The following IBTK variants were observed in gnomAD, a reference collection of about 807,000 sequenced individuals.
IBTK encodes inhibitor of Bruton tyrosine kinase.
IBTK carries 83 observed loss-of-function variants against 154.9 expected under a neutral mutation model. The observed-to-expected ratio is 0.54, with a 90% CI of 0.45 to 0.64. IBTK has a LOEUF of 0.64. Among genes scored for constraint, IBTK ranks in the 30% least tolerant of loss-of-function variants. IBTK has a pLI of 0.00. For synonymous variants in IBTK, 515 were observed against 536.1 expected (o/e 0.96, Z 0.54); for missense variants, 1,332 against 1,584.6 (o/e 0.84, Z 2.71).
At chr6:82,173,028 G>T in intron 27 of IBTK, 1 of 92,274 alleles carries the variant, frequency 1.1e-5, no homozygotes, top group Non-Finnish European at 2.6e-5. Context: ...TTGAGACAGA[G>T]TCTCACTGTG....
Position 82,182,049 on chromosome 6 carries a change from C to A in IBTK, c.3576-21G>T, listed in dbSNP as rs116668372. The A allele has an allele frequency of 1.4e-3, 2,288 of 1,579,890 alleles. 25 individuals carry two copies. In the African/African-American group the frequency reaches 0.028, roughly 19 times the overall value. On this transcript the variant is annotated intron_variant, in intron 25 of 28. Coordinates refer to ENST00000306270, the MANE Select transcript of IBTK (RefSeq NM_015525.4). ...ATGCCCTGCAAAAGAAAGCAAAGAT[C>A]ATGTTAAAACATCCATTTTGTAAAA... is the stretch of plus-strand genomic sequence containing the variant.
intron 4 of IBTK, among the ~76,000 whole-genome samples, chr6:82,228,624 CTT>C (rs753768771): frequency 1.4e-5 from 2 of 143,040 alleles, no homozygotes; most frequent in Non-Finnish European, 1.5e-5. Context: ...AAACCCCAGA[CTT>C]TTTTTTTTTT....
intron 26 of IBTK, among the ~76,000 whole-genome samples, chr6:82,179,328 TTA>T (rs1768229219): frequency 1.3e-5 from 2 of 152,192 alleles, no homozygotes; most frequent in Admixed American, 1.3e-4. Flanking sequence ...GATTTTGGTT[TTA>T]TGAGATGGGT....
chr6:82,185,043 C>A (rs971762409), intron 25 of IBTK, among the ~76,000 whole-genome samples: 1 of 151,670 alleles, frequency 6.6e-6, no homozygotes, highest in African/African-American at 2.4e-5. Flanking sequence ...ATTAGCCAGG[C>A]ATAGTGGTGT....
At chr6:82,178,597 A>G (rs1360829012) in intron 26 of IBTK, among the ~76,000 whole-genome samples, 1 of 152,228 alleles carries the variant, frequency 6.6e-6, no homozygotes, top group Non-Finnish European at 1.5e-5. Flanking sequence ...TAGTAAAATG[A>G]TGAGCAAAGA....
At chr6:82,216,478 C>T (rs907588855) in intron 10 of IBTK, among the ~76,000 whole-genome samples, 8 of 152,094 alleles carry the variant, frequency 5.3e-5, no homozygotes, top group Admixed American at 2.0e-4. Context: ...ATCCATGATT[C>T]CATCTCTTTC....
In IBTK at chr6:82,204,916, GCCA is replaced by G; in HGVS notation, c.2549_2551del (p.Val850del). The G allele has an allele frequency of 1.9e-6, 3 of 1,607,536 alleles. No homozygotes were observed. Among genetic ancestry groups the G allele is most frequent in the Non-Finnish European group, 2.5e-6 (3 of 1,176,542 alleles). Reference sequence around the variant, plus strand: ...CAACCGGGTTATGAGAAGTTGATCAGCCACCACAAGAACACTACAAATAAAATC... The same window carrying G: ...CAACCGGGTTATGAGAAGTTGATCAGCCACAAGAACACTACAAATAAAATC... On this transcript the variant is annotated inframe_deletion, in exon 17 of 29. Coordinates refer to ENST00000306270, the MANE Select transcript of IBTK (RefSeq NM_015525.4).
chr6:82,208,193 CTCTA>C (rs2127811307), intron 16 of IBTK, among the ~76,000 whole-genome samples: 1 of 150,794 alleles, frequency 6.6e-6, no homozygotes, highest in South Asian at 2.1e-4. Context: ...AATTATCTCT[CTCTA>C]TATATATAAA....
At chr6:82,186,913 C>CTTTTTT (rs138781864) in intron 25 of IBTK, among the ~76,000 whole-genome samples, 6 of 103,676 alleles carry the variant, frequency 5.8e-5, no homozygotes, top group Admixed American at 1.1e-4. Context: ...TTATCAAATT[C>CTTTTTT]TTTTTTTTTT....
At chr6:82,192,085 A>G (rs1582197144) in intron 23 of IBTK, among the ~76,000 whole-genome samples, 2 of 152,182 alleles carry the variant, frequency 1.3e-5, no homozygotes, top group African/African-American at 4.8e-5. Flanking sequence ...ATATATATCC[A>G]AAATGTTAAG....
intron 5 of IBTK, among the ~76,000 whole-genome samples, chr6:82,226,041 T>C (rs535493878): frequency 6.6e-6 from 1 of 152,286 alleles, no homozygotes; most frequent in South Asian, 2.1e-4. Context: ...TCATATTCCT[T>C]TGGAGTCATT....
chr6:82,242,322 T>C (rs928856826), intron 1 of IBTK, among the ~76,000 whole-genome samples: 1 of 150,180 alleles, frequency 6.7e-6, no homozygotes, highest in African/African-American at 2.5e-5. Context: ...TGAACCAAGA[T>C]CACACCATTG....
chr6:82,228,876 C>T (rs571410735), intron 4 of IBTK, among the ~76,000 whole-genome samples: 8 of 152,112 alleles, frequency 5.3e-5, no homozygotes, highest in Admixed American at 1.3e-4. Flanking sequence ...CCGCCTCAGC[C>T]TCCCAAAGTG....
intron 25 of IBTK, among the ~76,000 whole-genome samples, chr6:82,188,351 G>T (rs895422013): frequency 3.3e-5 from 5 of 152,006 alleles, no homozygotes; most frequent in Non-Finnish European, 5.9e-5. Flanking sequence ...TATCATATTG[G>T]TAAGATTCAT....
At chr6:82,229,230 T>G (rs1463210886) in intron 4 of IBTK, among the ~76,000 whole-genome samples, 10 of 152,132 alleles carry the variant, frequency 6.6e-5, no homozygotes, top group African/African-American at 2.4e-4. Context: ...CCTTAATACC[T>G]TCACAAAACA....
chr6:82,179,914 T>C (rs1768249137), intron 26 of IBTK, among the ~76,000 whole-genome samples: 1 of 152,054 alleles, frequency 6.6e-6, no homozygotes, highest in Non-Finnish European at 1.5e-5. Flanking sequence ...GCTTCTGAAA[T>C]GGGAAGCATT....
intron 25 of IBTK, among the ~76,000 whole-genome samples, chr6:82,184,302 C>A (rs1284412498): frequency 6.6e-6 from 1 of 152,032 alleles, no homozygotes; most frequent in African/African-American, 2.4e-5. Flanking sequence ...TGCTCCTCAG[C>A]AAAAGAAGCC....
intron 2 of IBTK, 40 bp from the exon 3 acceptor site, chr6:82,234,295 AT>A: frequency 2.7e-6 from 2 of 729,272 alleles, no homozygotes; most frequent in Non-Finnish European, 4.0e-6. Flanking sequence ...ATATATATAT[AT>A]TATTAATTAC....
At chr6:82,201,533 C>T in intron 18 of IBTK, 51 bp from the exon 19 acceptor site, 1 of 1,266,806 alleles carries the variant, frequency 7.9e-7, no homozygotes, top group Non-Finnish European at 1.1e-6. Context: ...GACTTGATAA[C>T]TGTCAAGTTG....
Sources: allele counts gnomAD v4.1 joint callset (sites outside exome capture counted in the v4.1 genomes callset), GRCh38; gene constraint gnomAD v4.1.1; transcripts MANE v1.5; gene names NCBI Gene and HGNC (gene_info 2026-07-23, HGNC 2026-07-21).